BSG: variants seen among roughly 807,000 people sequenced by gnomAD.
The protein encoded by BSG is basigin (Ok blood group), also known as basigin.
BSG carries 37 observed loss-of-function variants against 43.1 expected under a neutral mutation model. The observed-to-expected ratio is 0.86, with a 90% confidence interval of 0.66 to 1.13. The LOEUF is 1.13. BSG is among the 50% of genes most tolerant of loss of function. The pLI, the probability that BSG is intolerant of heterozygous loss-of-function variation, is 0.00. For synonymous variants in BSG, 309 were observed against 238.7 expected, an observed-to-expected ratio of 1.29 and a Z score of -2.72; for missense variants, 599 against 554.2, an observed-to-expected ratio of 1.08 and a Z score of -0.81.
intron 1 of BSG, among the ~76,000 whole-genome samples, chr19:572,985 G>C (rs530821455): frequency 1.3e-5 from 2 of 152,320 alleles, no homozygotes; most frequent in South Asian, 4.1e-4. Flanking sequence ...CCTGCTTGGA[G>C]GCGGGAGCCA....
At position 581,411 on chromosome 19, in the gene BSG, G is replaced by A. The variant is rs757777232; in HGVS notation, c.889G>A (p.Gly297Ser). Residue 297 changes from glycine to serine, a missense_variant, in exon 6 of 9, where the codon GGC becomes AGC. Transcript: ENST00000333511. ...IENLNMEADP[G>S]QYRCNGTSSK... is the part of the protein sequence containing the mutation. Reference sequence around the variant, plus strand: ...GAACCTGAACATGGAGGCCGACCCCGGCCAGTACCGGTGCAACGGCACCAG... The same window carrying A: ...GAACCTGAACATGGAGGCCGACCCCAGCCAGTACCGGTGCAACGGCACCAG... The A allele has an allele frequency of 3.1e-6, 5 of 1,612,780 alleles. No individual in the cohort carries two copies. The highest frequency in any genetic ancestry group is 4.2e-6 in the Non-Finnish European group (5 of 1,179,936).
chr19:580,719 G>A lies in BSG; in HGVS notation c.729G>A (p.Lys243=). ...GGGAGACGGCCATGCTGGTCTGCAA[G>A]TCAGAGTCCGTGCCACCTGTCACTG... The part of the protein sequence containing the change: ...NEGETAMLVC[K]SESVPPVTDW... The change falls in exon 5 of 9, where the codon AAG becomes AAA. Residue 243 remains lysine, a synonymous_variant. Transcript: ENST00000333511. 6.2e-7 allele frequency: 1 copy of A among 1,612,868 alleles called. No homozygotes were observed. The highest frequency in any genetic ancestry group is 8.5e-7 in the Non-Finnish European group (1 of 1,179,966).
chr19:581,803 A>C (rs1982350451), intron 6 of BSG, among the ~76,000 whole-genome samples: 1 of 152,194 alleles, frequency 6.6e-6, no homozygotes, highest in Non-Finnish European at 1.5e-5. Flanking sequence ...CGGGAGGAGG[A>C]GGCGGCACCT....
chr19:577,872 T>C lies in BSG; in HGVS notation c.166T>C (p.Trp56Arg). The C allele has an allele frequency of 1.3e-6, 2 of 1,570,518 alleles. No individual in the cohort carries two copies. Among genetic ancestry groups the C allele is most frequent in the Non-Finnish European group, 8.7e-7 (1 of 1,153,038 alleles). The change falls in exon 2 of 9, where the codon TGG becomes CGG. Residue 56 changes from tryptophan to arginine, a missense_variant. Transcript: ENST00000333511. ...AVGSPVPEIQ[W>R]WFEGQGPNDT... ...GGGCAGCCCGGTGCCCGAGATCCAG[T>C]GGTGGTTTGAAGGGCAGGGTCCCAA...
chr19:578,012 C>T lies in BSG; in HGVS notation c.306C>T (p.Asp102=). The T allele has an allele frequency of 1.2e-6, 2 of 1,612,018 alleles. No homozygotes were observed. Among genetic ancestry groups the T allele is most frequent in the Non-Finnish European group, 1.7e-6 (2 of 1,179,616 alleles). The part of the protein sequence containing the change: ...TISIDTLVEE[D]TGTYECRASN... The stretch of plus-strand genomic sequence containing the variant: ...CCATCGACACGCTCGTGGAGGAGGA[C>T]ACGGGCACTTACGAGTGCCGGGCCA... The change falls in exon 2 of 9, where the codon GAC becomes GAT. Residue 102 remains aspartate (D), a synonymous_variant. Transcript: ENST00000333511.
chr19:572,662 G>A lies in BSG; in HGVS notation c.28G>A (p.Gly10Arg), dbSNP rs776572584. 10 of 1,505,902 alleles carry A rather than the reference G, an allele frequency of 6.6e-6. No homozygotes were observed. Among genetic ancestry groups the A allele is most frequent in the South Asian group, 5.0e-5 (4 of 79,546 alleles). 93.3% of individuals were successfully genotyped at this position (1,505,902 alleles called of 1,614,324 possible). Residue 10 changes from glycine (G) to arginine (R), a missense_variant, in exon 1 of 9, where the codon GGA becomes AGA. By Grantham distance (125) the Gly-to-Arg change is moderately radical (BLOSUM62 -2). Coordinates refer to ENST00000333511, the MANE Select transcript of BSG (RefSeq NM_001728.4). MAAALFVLLGFALLGTHGAS... is the reference protein window; with the variant it reads MAAALFVLLRFALLGTHGAS... ...GGCGGCTGCGCTGTTCGTGCTGCTG[G>A]GATTCGCGCTGCTGGGCACCCACGG...
At chr19:572,470 G>A, upstream of BSG, 1 of 1,167,188 alleles carries the variant, frequency 8.6e-7, no homozygotes, top group Non-Finnish European at 1.1e-6. Flanking sequence ...GCGAGCGTGT[G>A]CGCGCGTGCG....
intron 2 of BSG, 109 bp downstream of exon 2, chr19:578,230 G>T (rs1012229771): frequency 1.7e-6 from 2 of 1,183,082 alleles, no homozygotes; most frequent in South Asian, 1.8e-5. Context: ...TCTCCGTCCC[G>T]CTGTGCCCCG....
chr19:572,744 C>A, intron 1 of BSG, 43 bp downstream of exon 1: 2 of 1,411,416 alleles, frequency 1.4e-6, no homozygotes, highest in Admixed American at 2.9e-5. Flanking sequence ...CTGCAGGGGC[C>A]GGGAATGGAG....
Position 572,675 on chromosome 19 carries a change from T to C in BSG, c.41T>C (p.Leu14Pro). 2 of 1,500,050 alleles carry C rather than the reference T, an allele frequency of 1.3e-6. No individual in the cohort carries two copies. Among genetic ancestry groups the C allele is most frequent in the African/African-American group, 1.4e-5 (1 of 69,464 alleles). 92.9% of individuals were successfully genotyped at this position (1,500,050 alleles called of 1,614,324 possible). A position where few individuals can be genotyped will look rare whatever the true frequency, so the allele number is the denominator to read the frequency against. The change falls in exon 1 of 9, where the codon CTG becomes CCG. Residue 14 changes from leucine (L) to proline (P), a missense_variant. Transcript: ENST00000333511. Reference protein sequence around the residue: ...ALFVLLGFALLGTHGASGAAG... With the variant: ...ALFVLLGFALPGTHGASGAAG... The stretch of plus-strand genomic sequence containing the variant: ...TTCGTGCTGCTGGGATTCGCGCTGC[T>C]GGGCACCCACGGAGCCTCCGGGGCT...
intron 1 of BSG, among the ~76,000 whole-genome samples, chr19:577,138 C>T (rs1460222271): frequency 6.6e-6 from 1 of 152,170 alleles, no homozygotes; most frequent in Non-Finnish European, 1.5e-5. Context: ...TTCTGCTGTG[C>T]TCCTTGGCAG....
At position 579,596 on chromosome 19, in the gene BSG, GGCTGAAGGGGGGCGTGGT is replaced by G. The variant is rs2145898076; in HGVS notation, c.521_538del (p.Gly174_Lys179del). 1 of 1,612,646 alleles carries G rather than the reference GGCTGAAGGGGGGCGTGGT, an allele frequency of 6.2e-7. No homozygotes were observed. Among genetic ancestry groups the G allele is most frequent in the African/African-American group, 1.3e-5 (1 of 75,058 alleles). ...GCCACAGAGGTCACAGGGCACCGCT[GGCTGAAGGGGGGCGTGGT>G]GCTGAAGGAGGACGCGCTGCCCGGC... On this transcript the variant is annotated inframe_deletion, in exon 3 of 9. Coordinates refer to ENST00000333511, the MANE Select transcript of BSG (RefSeq NM_001728.4).
At chr19:579,199 CGG>C in intron 2 of BSG, 3 of 525,666 alleles carry the variant, frequency 5.7e-6, no homozygotes, top group Non-Finnish European at 1.1e-5. Flanking sequence ...CATCGCCAGG[CGG>C]GGCCTCTGGG....
intron 6 of BSG, among the ~76,000 whole-genome samples, chr19:582,080 G>A (rs932759632): frequency 2.0e-5 from 3 of 152,128 alleles, no homozygotes; most frequent in South Asian, 4.1e-4. Flanking sequence ...CGAGGCCATG[G>A]GGACAGCTCA....
At chr19:576,398 C>T (rs1445176631) in intron 1 of BSG, among the ~76,000 whole-genome samples, 1 of 152,232 alleles carries the variant, frequency 6.6e-6, no homozygotes, top group East Asian at 1.9e-4. Flanking sequence ...CACATAGCTG[C>T]CAGTGTTGCA....
In BSG at chr19:580,778, A is replaced by T. The variant is rs1229972634; in HGVS notation, c.788A>T (p.Asp263Val). 1.1e-5 allele frequency: 17 copies of T among 1,612,648 alleles called. No homozygotes were observed. The highest frequency in any genetic ancestry group is 1.4e-5 in the Non-Finnish European group (17 of 1,179,928). The stretch of plus-strand genomic sequence containing the variant: ...TGGTACAAGATCACTGACTCTGAGG[A>T]CAAGGTGAGAAGCCAAGGAGGCTGG... ...WAWYKITDSE[D>V]KALMNGSESR... The change falls in exon 5 of 9, where the codon GAC becomes GTC. Residue 263 changes from aspartate to valine, a missense_variant. By Grantham distance (152) the Asp-to-Val change is radical. Coordinates refer to ENST00000333511, the MANE Select transcript of BSG (RefSeq NM_001728.4).
chr19:573,089 G>T (rs1358729678), intron 1 of BSG, among the ~76,000 whole-genome samples: 1 of 125,496 alleles, frequency 8.0e-6, no homozygotes, highest in African/African-American at 3.2e-5. Context: ...CTGGGTGAGG[G>T]CGTCTGCGAA....
At chr19:571,703 G>A (rs150189209), upstream of BSG, 112 of 715,112 alleles carry the variant, frequency 1.6e-4, 2 homozygotes, top group African/African-American at 1.7e-3. Context: ...TTACTTGTAC[G>A]GAAGGGGGCT....
intron 2 of BSG, chr19:579,263 CCGAAGGGGG>C (rs1175918380): frequency 4.1e-6 from 2 of 484,520 alleles, no homozygotes; most frequent in South Asian, 5.5e-5. Context: ...GGGTGCCTTC[CCGAAGGGGG>C]TGCCTTCCCG....
Sources: gnomAD v4.1 joint callset for allele counts (sites outside exome capture counted in the v4.1 genomes callset) on GRCh38, gnomAD v4.1.1 for gene constraint, MANE v1.5 for transcripts, NCBI Gene and HGNC (gene_info 2026-07-23, HGNC 2026-07-21) for gene names.